Variants in CTDSPL2 observed in about 807,000 individuals in gnomAD.
The protein encoded by CTDSPL2 is CTD small phosphatase like 2.
Under a neutral mutation model 60.0 loss-of-function variants are expected in CTDSPL2, and 5 were observed. The ratio of observed to expected loss-of-function variants is 0.08; its 90% CI spans 0.04 to 0.18. CTDSPL2 has a LOEUF of 0.18. CTDSPL2 is among the 10% of genes least tolerant of loss of function. CTDSPL2 has a pLI of 1.00. For missense variants in CTDSPL2, 370 were observed against 548.8 expected, an observed-to-expected ratio of 0.67 and a Z score of 3.26; for synonymous variants, 186 against 189.3, an observed-to-expected ratio of 0.98 and a Z score of 0.14.
chr15:44,435,681 A>G (rs371932745), intron 1 of CTDSPL2, among the ~76,000 whole-genome samples: 18 of 144,310 alleles, frequency 1.2e-4, no homozygotes, highest in African/African-American at 4.1e-4. Context: ...ATCTGAGCTC[A>G]CTGCAACCTC....
chr15:44,471,077 T>A (rs1362261066), intron 2 of CTDSPL2, among the ~76,000 whole-genome samples: 1 of 152,198 alleles, frequency 6.6e-6, no homozygotes, highest in Non-Finnish European at 1.5e-5. Context: ...CTTTCTGTCA[T>A]TATAGAGTTT....
At chr15:44,492,029 A>AT (rs34619247) in intron 5 of CTDSPL2, among the ~76,000 whole-genome samples, 2,733 of 146,180 alleles carry the variant, frequency 0.019, 41 homozygotes, top group Non-Finnish European at 0.028. Flanking sequence ...ACTCCCAGCT[A>AT]TTTTTTTTTT....
At chr15:44,431,651 G>C (rs896713508) in intron 1 of CTDSPL2, among the ~76,000 whole-genome samples, 2 of 151,682 alleles carry the variant, frequency 1.3e-5, no homozygotes, top group African/African-American at 2.4e-5. Flanking sequence ...CCACACACAG[G>C]TTGAGGGTTC....
intron 1 of CTDSPL2, among the ~76,000 whole-genome samples, chr15:44,440,878 G>A (rs2080071419): frequency 6.6e-6 from 1 of 152,102 alleles, no homozygotes; most frequent in Non-Finnish European, 1.5e-5. Context: ...GTTAAGCTGA[G>A]TTTCTGTTTT....
At position 44,459,048 on chromosome 15, in the gene CTDSPL2, T is replaced by C. The variant is rs767261009; in HGVS notation, c.34T>C (p.Ser12Pro). The change falls in exon 2 of 13, where the codon TCA becomes CCA. Residue 12 changes from serine to proline, a missense_variant. Ser to Pro is a moderately conservative substitution (Grantham distance 74). This residue lies in a region of CTDSPL2 where 287 missense variants were observed against 296.1 expected (regional missense o/e 0.97). Transcript: ENST00000260327. ...RLRTRKASQQ[S>P]NQIQTQRTAR... ...GAGAACACGGAAAGCTTCTCAGCAG[T>C]CAAATCAAATCCAAACACAACGCAC... 2 of 1,602,510 alleles carry C rather than the reference T, an allele frequency of 1.2e-6. No individual in the cohort carries two copies. The highest frequency in any genetic ancestry group is 1.7e-6 in the Non-Finnish European group (2 of 1,174,278).
intron 2 of CTDSPL2, among the ~76,000 whole-genome samples, chr15:44,475,470 C>G (rs1019750665): frequency 7.2e-5 from 11 of 152,046 alleles, no homozygotes; most frequent in Non-Finnish European, 1.3e-4. Flanking sequence ...GAAACCCCAT[C>G]TCTACTAAAA....
At chr15:44,491,790 A>G (rs1450675151) in intron 5 of CTDSPL2, among the ~76,000 whole-genome samples, 2 of 152,194 alleles carry the variant, frequency 1.3e-5, no homozygotes, top group Non-Finnish European at 2.9e-5. Context: ...GCTGGGGCCT[A>G]TAACCCAGCA....
chr15:44,504,950 A>G (rs1188951765), intron 8 of CTDSPL2, among the ~76,000 whole-genome samples: 1 of 152,174 alleles, frequency 6.6e-6, no homozygotes, highest in Non-Finnish European at 1.5e-5. Flanking sequence ...TCACTTTCCC[A>G]TCCTTATTAG....
intron 1 of CTDSPL2, among the ~76,000 whole-genome samples, chr15:44,429,254 A>G (rs2079807926): frequency 6.6e-6 from 1 of 152,182 alleles, no homozygotes. Flanking sequence ...TTTAGGATTA[A>G]GTTGAGCTTC....
chr15:44,491,097 G>C, intron 5 of CTDSPL2, 98 bp downstream of exon 5: 1 of 845,730 alleles, frequency 1.2e-6, no homozygotes, highest in Non-Finnish European at 1.8e-6. Flanking sequence ...ATATGCATAG[G>C]TTTTTCTTCC....
intron 5 of CTDSPL2, among the ~76,000 whole-genome samples, chr15:44,495,254 G>A (rs1035409155): frequency 1.3e-5 from 2 of 151,506 alleles, no homozygotes; most frequent in Admixed American, 6.6e-5. Flanking sequence ...ACAGGCGCCC[G>A]CCACCACTCC....
chr15:44,459,259 G>C, intron 2 of CTDSPL2, 59 bp downstream of exon 2: 2 of 1,298,842 alleles, frequency 1.5e-6, no homozygotes, highest in South Asian at 3.0e-5. Flanking sequence ...CGGGCACGGT[G>C]GCTCACGCCT....
intron 8 of CTDSPL2, among the ~76,000 whole-genome samples, chr15:44,501,161 G>C (rs2081376375): frequency 6.6e-6 from 1 of 151,904 alleles, no homozygotes; most frequent in African/African-American, 2.4e-5. Flanking sequence ...CCTTGTTGGG[G>C]TTTTTCTTTG....
chr15:44,435,021 G>A (rs1269819865), intron 1 of CTDSPL2, among the ~76,000 whole-genome samples: 11 of 152,206 alleles, frequency 7.2e-5, no homozygotes, highest in African/African-American at 2.4e-4. Context: ...CAGCACTTTC[G>A]GAGGCCAAGG....
chr15:44,472,163 A>G lies in CTDSPL2; in HGVS notation c.187-12061A>G, dbSNP rs547804002. Among the ~76,000 whole-genome samples, 6 of 152,302 alleles carry G rather than the reference A, an allele frequency of 3.9e-5. No homozygotes were observed. In the East Asian group the frequency reaches 1.2e-3, roughly 29 times the overall value. The stretch of plus-strand genomic sequence containing the variant: ...TGAAGAATGCTGTGAACATTCATGT[A>G]TACATTTTTGTATGGACATCTGTTT... On this transcript the variant is annotated intron_variant, in intron 2 of 12. Transcript: ENST00000260327.
At chr15:44,473,866 G>A (rs904192742) in intron 2 of CTDSPL2, among the ~76,000 whole-genome samples, 1 of 152,140 alleles carries the variant, frequency 6.6e-6, no homozygotes, top group African/African-American at 2.4e-5. Context: ...TTTAACTTTA[G>A]TCTTTCTACA....
intron 1 of CTDSPL2, chr15:44,448,562 C>T (rs780784779): frequency 1.4e-4 from 40 of 285,702 alleles, no homozygotes; most frequent in Admixed American, 2.4e-4. Flanking sequence ...ACTAAGATTT[C>T]CTTTATTCTG....
chr15:44,523,960 C>T (rs916645130), intron 12 of CTDSPL2, 149 bp from the exon 13 acceptor site: 2 of 603,114 alleles, frequency 3.3e-6, no homozygotes, highest in African/African-American at 3.8e-5. Flanking sequence ...TTAAATTTAA[C>T]TGCATCTGTG....
chr15:44,461,351 A>G (rs1041162197), intron 2 of CTDSPL2, among the ~76,000 whole-genome samples: 1 of 152,172 alleles, frequency 6.6e-6, no homozygotes, highest in African/African-American at 2.4e-5. Flanking sequence ...ATAAACAATC[A>G]TTCAACACAT....
Sources: allele counts gnomAD v4.1 joint callset (sites outside exome capture counted in the v4.1 genomes callset), GRCh38; gene constraint gnomAD v4.1.1; regional missense constraint gnomAD v4.1.1; transcripts MANE v1.5; gene names NCBI Gene and HGNC (gene_info 2026-07-23, HGNC 2026-07-21).